Variants in IGF1 observed in about 807,000 individuals in gnomAD.
IGF1 encodes the protein insulin-like growth factor 1.
In IGF1, 4 loss-of-function variants were observed where a neutral mutation model predicts 13.8. The observed-to-expected ratio is 0.29, with a 90% CI of 0.14 to 0.66. The LOEUF is 0.66. IGF1 is among the 30% of genes least tolerant of loss of function. The probability of loss-of-function intolerance (pLI) is 0.78; values close to 1 mark genes in which losing one functional copy is unlikely to be tolerated. For synonymous variants in IGF1, 76 were observed against 72.6 expected, an observed-to-expected ratio of 1.05 and a Z score of -0.23; for missense variants, 124 against 188.5, an observed-to-expected ratio of 0.66 and a Z score of 2.00.
At chr12:102,458,730 CAA>C (rs397825972) in intron 2 of IGF1, among the ~76,000 whole-genome samples, 8 of 73,424 alleles carry the variant, frequency 1.1e-4, no homozygotes, top group Admixed American at 4.4e-4. Context: ...GAACACTGAC[CAA>C]AAAAAAAAAA....
chr12:102,443,068 G>A (rs1878009810), intron 2 of IGF1, among the ~76,000 whole-genome samples: 1 of 151,940 alleles, frequency 6.6e-6, no homozygotes, highest in African/African-American at 2.4e-5. Context: ...ATTTTGTAGT[G>A]TCTTGATTTG....
chr12:102,408,453 G>C (rs550003607), intron 3 of IGF1, among the ~76,000 whole-genome samples: 2 of 152,278 alleles, frequency 1.3e-5, no homozygotes, highest in East Asian at 3.9e-4. Context: ...CAAAGAACAA[G>C]GTGCACATTT....
At chr12:102,470,591 G>A (rs934298662) in intron 2 of IGF1, among the ~76,000 whole-genome samples, 1 of 152,116 alleles carries the variant, frequency 6.6e-6, no homozygotes, top group Non-Finnish European at 1.5e-5. Flanking sequence ...AACCCCACAT[G>A]TACCAATTAG....
At chr12:102,479,253 A>G (rs944945321) in intron 1 of IGF1, among the ~76,000 whole-genome samples, 1 of 152,180 alleles carries the variant, frequency 6.6e-6, no homozygotes, top group Admixed American at 6.5e-5. Context: ...TAACTCCTGG[A>G]GCCACTTACT....
chr12:102,452,520 A>G, intron 2 of IGF1, among the ~76,000 whole-genome samples: 1 of 152,128 alleles, frequency 6.6e-6, no homozygotes, highest in East Asian at 1.9e-4. Context: ...ATATTTTAGC[A>G]CTGAACTTTG....
intron 3 of IGF1, among the ~76,000 whole-genome samples, chr12:102,409,388 A>G (rs1874441483): frequency 6.6e-6 from 1 of 152,138 alleles, no homozygotes; most frequent in Non-Finnish European, 1.5e-5. Context: ...CTTCACTTCT[A>G]TATCCTCTCC....
chr12:102,419,682 TG>T lies in IGF1; in HGVS notation c.228del (p.Thr77GlnfsTer26). ...CGDRGFYFNK[P>X]TGYGSSSRRA... ...CTCCGACTGCTGGAGCCATACCCTGTGGGCTTGTCTGCACAAATCAAACAGA... is the reference window on the plus strand; with the variant it reads ...CTCCGACTGCTGGAGCCATACCCTGTGGCTTGTCTGCACAAATCAAACAGA... On this transcript the variant is annotated frameshift_variant, in exon 3 of 4. Coordinates refer to ENST00000337514, the MANE Select transcript of IGF1 (RefSeq NM_000618.5). LOFTEE classifies it high-confidence loss of function. The T allele has an allele frequency of 6.2e-7, 1 of 1,612,120 alleles. No homozygotes were observed. Among genetic ancestry groups the T allele is most frequent in the Non-Finnish European group, 8.5e-7 (1 of 1,180,008 alleles).
intron 1 of IGF1, among the ~76,000 whole-genome samples, chr12:102,476,381 G>C (rs1377520394): frequency 6.9e-6 from 1 of 144,880 alleles, no homozygotes; most frequent in African/African-American, 2.5e-5. Flanking sequence ...ATCATCACAG[G>C]GTTTTGTTTT....
intron 2 of IGF1, among the ~76,000 whole-genome samples, chr12:102,437,957 A>G (rs773165578): frequency 6.6e-6 from 1 of 152,244 alleles, no homozygotes. Flanking sequence ...CAATATGACC[A>G]GAGCAGAAAC....
At chr12:102,432,522 T>A (rs1876828018) in intron 2 of IGF1, among the ~76,000 whole-genome samples, 1 of 152,230 alleles carries the variant, frequency 6.6e-6, no homozygotes, top group African/African-American at 2.4e-5. Flanking sequence ...CAGAGAATTA[T>A]ATCCAGATTT....
At chr12:102,477,606 A>G (rs1385768804) in intron 1 of IGF1, among the ~76,000 whole-genome samples, 2 of 151,870 alleles carry the variant, frequency 1.3e-5, no homozygotes, top group African/African-American at 4.8e-5. Flanking sequence ...AACCTCAACA[A>G]ATCCAACCCA....
In IGF1 at chr12:102,480,389, G is replaced by A; in HGVS notation, c.-8C>T. 6.2e-7 allele frequency: 1 copy of A among 1,613,380 alleles called. No individual in the cohort carries two copies. Among genetic ancestry groups the A allele is most frequent in the Non-Finnish European group, 8.5e-7 (1 of 1,179,560 alleles). On this transcript the variant is annotated 5_prime_UTR_variant, in exon 1 of 4. Transcript: ENST00000337514. Reference sequence around the variant, plus strand: ...ACTGCTGATTTTTCCCATTGCTTCTGAAGTACAAAGTCTGAAAATGAATTG... The same window carrying A: ...ACTGCTGATTTTTCCCATTGCTTCTAAAGTACAAAGTCTGAAAATGAATTG...
chr12:102,445,016 T>C (rs1227861041), intron 2 of IGF1, among the ~76,000 whole-genome samples: 1 of 152,100 alleles, frequency 6.6e-6, no homozygotes, highest in African/African-American at 2.4e-5. Context: ...TTGCTTGTTT[T>C]TGTCCGGTTT....
Position 102,443,015 on chromosome 12 carries a change from T to C in IGF1, c.221-23325A>G, listed in dbSNP as rs1878004285. On this transcript the variant is annotated intron_variant, in intron 2 of 3. Transcript: ENST00000337514. ...CACAAAGCTCATTAAGTGATGCTAA[T>C]AGGACTGGCATCTAGATCTGGCTGA... Among the ~76,000 whole-genome samples the C allele has an allele frequency of 2.6e-5, 4 of 152,050 alleles. 1 individual carries two copies.
chr12:102,409,559 A>G (rs1874454844), intron 3 of IGF1, among the ~76,000 whole-genome samples: 1 of 152,208 alleles, frequency 6.6e-6, no homozygotes, highest in Non-Finnish European at 1.5e-5. Context: ...GACAAATAGC[A>G]CAGAACCCCC....
At chr12:102,411,989 G>A (rs1237228075) in intron 3 of IGF1, among the ~76,000 whole-genome samples, 1 of 152,158 alleles carries the variant, frequency 6.6e-6, no homozygotes, top group African/African-American at 2.4e-5. Flanking sequence ...TGGTTGTAAT[G>A]GGTCAATAAT....
intron 2 of IGF1, among the ~76,000 whole-genome samples, chr12:102,447,708 C>A (rs1314301647): frequency 6.6e-6 from 1 of 152,048 alleles, no homozygotes; most frequent in Non-Finnish European, 1.5e-5. Context: ...GGGCATTTAG[C>A]CCATTTCCAT....
intron 2 of IGF1, among the ~76,000 whole-genome samples, chr12:102,421,958 A>G (rs139586025): frequency 6.6e-6 from 1 of 152,276 alleles, no homozygotes; most frequent in Non-Finnish European, 1.5e-5. Context: ...GTGACTGTAA[A>G]CAACCATGAA....
At chr12:102,454,087 T>C (rs184868970) in intron 2 of IGF1, among the ~76,000 whole-genome samples, 21 of 152,350 alleles carry the variant, frequency 1.4e-4, no homozygotes, top group Admixed American at 1.2e-3. Flanking sequence ...CCCAAACAAC[T>C]GGCTGGATGT....
Sources: gnomAD v4.1 joint callset for allele counts (sites outside exome capture counted in the v4.1 genomes callset) on GRCh38, gnomAD v4.1.1 for gene constraint, MANE v1.5 for transcripts, NCBI Gene and HGNC (gene_info 2026-07-23, HGNC 2026-07-21) for gene names.